Variants in SUPT3H observed in about 807,000 individuals in gnomAD.
SUPT3H encodes SPT3 homolog, SAGA and STAGA complex component, also known as transcription initiation protein SPT3 homolog.
SUPT3H carries 44 observed loss-of-function variants against 44.3 expected under a neutral mutation model. The ratio of observed to expected loss-of-function variants is 0.99; its 90% confidence interval spans 0.78 to 1.28. The LOEUF (loss-of-function observed/expected upper bound fraction) is 1.28, where lower values mean the gene tolerates loss of function less well. Among genes scored for constraint, SUPT3H ranks in the 50% most tolerant of loss-of-function variants. The pLI is 0.00. For synonymous variants in SUPT3H, 124 were observed against 125.6 expected, an observed-to-expected ratio of 0.99 and a Z score of 0.09; for missense variants, 380 against 387.1, an observed-to-expected ratio of 0.98 and a Z score of 0.15.
chr6:45,220,256 T>A (rs1765811966), intron 2 of SUPT3H, among the ~76,000 whole-genome samples: 2 of 151,738 alleles, frequency 1.3e-5, no homozygotes, highest in Non-Finnish European at 2.9e-5. Flanking sequence ...ATAAAAATAA[T>A]TACATATCCT....
intron 3 of SUPT3H, among the ~76,000 whole-genome samples, chr6:45,028,896 CAAAAAAAA>C (rs57234806): frequency 4.2e-5 from 3 of 71,052 alleles, no homozygotes; most frequent in South Asian, 4.6e-4. Flanking sequence ...AAACAGTTGC[CAAAAAAAA>C]AAAAAAAAAA....
At chr6:45,017,459 C>T (rs12180759) in intron 4 of SUPT3H, among the ~76,000 whole-genome samples, 2,887 of 148,376 alleles carry the variant, frequency 0.019, 86 homozygotes, top group Admixed American at 0.076. Context: ...GGTTTTCTTC[C>T]AGGGTTTTTA....
At chr6:44,837,091 G>C (rs1385397155) in intron 10 of SUPT3H, among the ~76,000 whole-genome samples, 1 of 151,998 alleles carries the variant, frequency 6.6e-6, no homozygotes, top group African/African-American at 2.4e-5. Flanking sequence ...TCTTGGTTTT[G>C]TAGTCATGTT....
chr6:44,946,259 T>C (rs1773326133), intron 9 of SUPT3H, among the ~76,000 whole-genome samples: 1 of 152,228 alleles, frequency 6.6e-6, no homozygotes, highest in Non-Finnish European at 1.5e-5. Context: ...ATGAACACTG[T>C]CTTCACAATA....
At chr6:45,132,379 G>T (rs1803606873) in intron 2 of SUPT3H, among the ~76,000 whole-genome samples, 1 of 152,062 alleles carries the variant, frequency 6.6e-6, no homozygotes, top group African/African-American at 2.4e-5. Flanking sequence ...TGCTACAAAA[G>T]ATTACTTTAA....
intron 10 of SUPT3H, among the ~76,000 whole-genome samples, chr6:44,864,408 G>A (rs2153426904): frequency 6.6e-6 from 1 of 152,318 alleles, no homozygotes; most frequent in East Asian, 1.9e-4. Context: ...CCCCAGTAGG[G>A]ACTCTGTGTG....
intron 6 of SUPT3H, among the ~76,000 whole-genome samples, chr6:44,986,229 A>T (rs1321885143): frequency 1.3e-5 from 2 of 152,214 alleles, no homozygotes; most frequent in African/African-American, 4.8e-5. Flanking sequence ...TAGTGCATGC[A>T]CAGAGGAGAT....
intron 2 of SUPT3H, among the ~76,000 whole-genome samples, chr6:45,281,971 C>A (rs557328172): frequency 1.8e-4 from 27 of 152,290 alleles, no homozygotes; most frequent in Admixed American, 1.6e-3. Context: ...GATACCCAGG[C>A]AAACAGGGTC....
chr6:44,988,735 C>G (rs760471644), intron 6 of SUPT3H, among the ~76,000 whole-genome samples: 35 of 151,908 alleles, frequency 2.3e-4, no homozygotes, highest in Non-Finnish European at 4.3e-4. Context: ...TGGTTTTTAA[C>G]ATGTATTTGA....
intron 9 of SUPT3H, among the ~76,000 whole-genome samples, chr6:44,933,145 CT>C (rs1190162343): frequency 3.3e-5 from 5 of 152,016 alleles, no homozygotes. Context: ...TTCTTAGGAG[CT>C]TCTTTGGCAC....
intron 2 of SUPT3H, among the ~76,000 whole-genome samples, chr6:45,218,859 T>C (rs1030432925): frequency 2.1e-4 from 32 of 152,164 alleles, no homozygotes; most frequent in Admixed American, 4.6e-4. Context: ...TTCACTAAGA[T>C]AGACCACGTC....
rs557186168 is a variant in SUPT3H, at chr6:45,124,613, C to A, written c.102-18607G>T. 1.8e-4 allele frequency among the ~76,000 whole-genome samples: 27 copies of A among 148,038 alleles called. No individual in the cohort carries two copies. In the South Asian group the frequency reaches 5.9e-3, roughly 32 times the overall value. On this transcript the variant is annotated intron_variant, in intron 2 of 10. Transcript: ENST00000371459. ...CAAGCTGAGATTGCAGCACTGCACT[C>A]CAGGCTAACAGAGACTCCATCTCAA... is the stretch of plus-strand genomic sequence containing the variant.
chr6:45,340,972 C>T (rs1468856064), intron 2 of SUPT3H, among the ~76,000 whole-genome samples: 2 of 152,110 alleles, frequency 1.3e-5, no homozygotes, highest in Non-Finnish European at 2.9e-5. Context: ...ATCCAGACAA[C>T]CTTTATTTCT....
At chr6:44,888,382 C>A (rs62438014) in intron 10 of SUPT3H, among the ~76,000 whole-genome samples, 4 of 152,036 alleles carry the variant, frequency 2.6e-5, no homozygotes, top group Admixed American at 6.6e-5. Flanking sequence ...TACTGGCAAA[C>A]CGAATCCAGC....
At chr6:45,132,898 C>T (rs900504139) in intron 2 of SUPT3H, among the ~76,000 whole-genome samples, 10 of 152,078 alleles carry the variant, frequency 6.6e-5, no homozygotes, top group African/African-American at 2.4e-4. Context: ...GAAACTAAGA[C>T]AGAAGTCACA....
intron 10 of SUPT3H, among the ~76,000 whole-genome samples, chr6:44,914,645 A>C (rs1262411288): frequency 1.3e-5 from 2 of 152,316 alleles, no homozygotes; most frequent in African/African-American, 4.8e-5. Flanking sequence ...AAGGCACATT[A>C]AGTTTGAGGG....
At chr6:45,167,492 C>A (rs1810080861) in intron 2 of SUPT3H, among the ~76,000 whole-genome samples, 1 of 152,112 alleles carries the variant, frequency 6.6e-6, no homozygotes, top group Non-Finnish European at 1.5e-5. Context: ...GTAGTAAGGC[C>A]AATTGAAGGC....
intron 2 of SUPT3H, among the ~76,000 whole-genome samples, chr6:45,127,517 G>A (rs568804813): frequency 6.6e-6 from 1 of 152,124 alleles, no homozygotes; most frequent in South Asian, 2.1e-4. Context: ...TTTGTCTAAG[G>A]TCACAAATAT....
At chr6:45,055,793 G>C (rs1236320693) in intron 3 of SUPT3H, among the ~76,000 whole-genome samples, 1 of 151,962 alleles carries the variant, frequency 6.6e-6, no homozygotes, top group Non-Finnish European at 1.5e-5. Flanking sequence ...AAACCCAAAA[G>C]CAAATGCAAC....
Sources: allele counts gnomAD v4.1 joint callset (sites outside exome capture counted in the v4.1 genomes callset), GRCh38; gene constraint gnomAD v4.1.1; transcripts MANE v1.5; gene names NCBI Gene and HGNC (gene_info 2026-07-23, HGNC 2026-07-21).